Variants in NBEA observed in about 807,000 individuals in gnomAD.
The protein encoded by NBEA is lysosomal-trafficking regulator 2.
NBEA carries 44 observed loss-of-function variants against 343.4 expected under a neutral mutation model. The observed-to-expected ratio is 0.13, with a 90% CI of 0.10 to 0.16. The LOEUF is 0.16. Ranked by LOEUF, NBEA falls within the 10% of genes least tolerant of loss-of-function variation. NBEA has a pLI of 1.00. For missense variants in NBEA, 2,555 were observed against 3,631.3 expected, an observed-to-expected ratio of 0.70 and a Z score of 7.62; for synonymous variants, 1,175 against 1,238.7, an observed-to-expected ratio of 0.95 and a Z score of 1.08.
chr13:35,411,844 A>C (rs1015322612), intron 38 of NBEA, among the ~76,000 whole-genome samples: 7 of 152,004 alleles, frequency 4.6e-5, no homozygotes, highest in Non-Finnish European at 8.8e-5. Context: ...AAGAAGGGGG[A>C]CAATACAAGT....
intron 38 of NBEA, among the ~76,000 whole-genome samples, chr13:35,398,611 G>C (rs1281892833): frequency 6.6e-6 from 1 of 152,004 alleles, no homozygotes; most frequent in East Asian, 1.9e-4. Context: ...CTTGTCAATG[G>C]GCAGTAATAT....
chr13:35,014,266 T>C (rs889173781), intron 1 of NBEA, among the ~76,000 whole-genome samples: 1 of 152,232 alleles, frequency 6.6e-6, no homozygotes, highest in African/African-American at 2.4e-5. Context: ...TCTTCTCTTT[T>C]TCCTTTACCT....
At chr13:35,475,527 C>G (rs764522918) in intron 41 of NBEA, 1 of 1,612,942 alleles carries the variant, frequency 6.2e-7, no homozygotes, top group Non-Finnish European at 8.5e-7. Flanking sequence ...AACCTTCCGC[C>G]TTGACCTCCG....
At chr13:35,017,641 A>G (rs1159944830) in intron 1 of NBEA, among the ~76,000 whole-genome samples, 2 of 152,166 alleles carry the variant, frequency 1.3e-5, no homozygotes, top group Admixed American at 6.5e-5. Context: ...TCATTTGTCA[A>G]TTTAAAAATG....
intron 1 of NBEA, among the ~76,000 whole-genome samples, chr13:35,039,978 T>C (rs1267880777): frequency 6.6e-6 from 1 of 152,222 alleles, no homozygotes; most frequent in Non-Finnish European, 1.5e-5. Context: ...TGCATGGTTT[T>C]TATCTTGGAC....
rs185665768 is a variant in NBEA at position 35,150,769 on chromosome 13, A to G, written c.2446-5005A>G. On this transcript the variant is annotated intron_variant, in intron 18 of 58. Coordinates refer to ENST00000379939, the MANE Select transcript of NBEA (RefSeq NM_001385012.1). ...TAAGTGCAGAAATAATAAAGAACCA[A>G]CTTATGGTGTTGATAATGATATTTT... is the stretch of plus-strand genomic sequence containing the variant. Among the ~76,000 whole-genome samples, 395 of 141,194 alleles carry G rather than the reference A, an allele frequency of 2.8e-3. 1 individual carries two copies. Among genetic ancestry groups the G allele is most frequent in the African/African-American group, 0.01 (378 of 37,324 alleles). 92.6% of individuals were successfully genotyped at this position (141,194 alleles called of 152,430 possible). A position where few individuals can be genotyped will look rare whatever the true frequency, so the allele number is the denominator to read the frequency against.
At chr13:35,175,231 G>A (rs563897422) in intron 27 of NBEA, among the ~76,000 whole-genome samples, 4 of 152,212 alleles carry the variant, frequency 2.6e-5, no homozygotes, top group South Asian at 2.1e-4. Flanking sequence ...CTGTGCCTCC[G>A]TTTTCTAATC....
intron 50 of NBEA, 102 bp from the exon 51 acceptor site, chr13:35,646,157 T>C (rs1295095379): frequency 1.0e-6 from 1 of 953,208 alleles, no homozygotes; most frequent in Non-Finnish European, 1.6e-6. Context: ...TTCTGGACTT[T>C]TTTTCATGGC....
At chr13:35,245,004 G>C (rs1379332313) in intron 34 of NBEA, among the ~76,000 whole-genome samples, 1 of 152,052 alleles carries the variant, frequency 6.6e-6, no homozygotes, top group East Asian at 1.9e-4. Context: ...CTTTTTGGAG[G>C]AGTCTTTAGG....
chr13:35,522,697 C>G (rs778206486), intron 41 of NBEA, among the ~76,000 whole-genome samples: 7 of 151,916 alleles, frequency 4.6e-5, no homozygotes, highest in Non-Finnish European at 7.4e-5. Context: ...AGCTCCACCT[C>G]CTGTCAGATC....
intron 1 of NBEA, among the ~76,000 whole-genome samples, chr13:35,019,997 T>A (rs1168547297): frequency 6.6e-6 from 1 of 152,188 alleles, no homozygotes; most frequent in Admixed American, 6.5e-5. Flanking sequence ...TTTATTGGGT[T>A]TTGTATCTTT....
intron 1 of NBEA, among the ~76,000 whole-genome samples, chr13:34,995,614 C>T (rs1475138985): frequency 2.0e-5 from 3 of 149,366 alleles, no homozygotes; most frequent in Non-Finnish European, 4.5e-5. Context: ...CAGAGTGGGA[C>T]AAAAAAAAAC....
At chr13:35,146,626 G>T (rs1401923094) in intron 18 of NBEA, among the ~76,000 whole-genome samples, 1 of 152,076 alleles carries the variant, frequency 6.6e-6, no homozygotes, top group African/African-American at 2.4e-5. Flanking sequence ...TATTGCGCCT[G>T]TGTCACAGCT....
intron 17 of NBEA, among the ~76,000 whole-genome samples, chr13:35,126,762 A>C (rs1306726443): frequency 9.9e-5 from 15 of 151,896 alleles, no homozygotes; most frequent in Admixed American, 9.8e-4. Context: ...TACTAAAAAT[A>C]CAAAAATTAG....
At chr13:35,415,622 T>C (rs1420353334) in intron 38 of NBEA, among the ~76,000 whole-genome samples, 1 of 152,158 alleles carries the variant, frequency 6.6e-6, no homozygotes, top group Non-Finnish European at 1.5e-5. Flanking sequence ...TACCATGCTG[T>C]TTTGGTTACT....
At chr13:35,626,047 G>A (rs1459000230) in intron 48 of NBEA, among the ~76,000 whole-genome samples, 1 of 152,154 alleles carries the variant, frequency 6.6e-6, no homozygotes, top group African/African-American at 2.4e-5. Flanking sequence ...GTAGCCTGGT[G>A]TTTGTTACCA....
chr13:35,629,129 T>C (rs1413917859), intron 49 of NBEA, among the ~76,000 whole-genome samples: 1 of 152,186 alleles, frequency 6.6e-6, no homozygotes, highest in African/African-American at 2.4e-5. Flanking sequence ...ACTTAAATCA[T>C]TTCTACATTG....
Position 35,307,515 on chromosome 13 carries a change from T to G in NBEA, c.5839-2013T>G, listed in dbSNP as rs367591788. On this transcript the variant is annotated intron_variant, in intron 35 of 58. Coordinates refer to ENST00000379939, the MANE Select transcript of NBEA (RefSeq NM_001385012.1). ...ATTCAAAGATAATTTTCTCTTGATTTTTTTAGACAAGGCATACTTTGGGAT... is the reference window on the plus strand; with the variant it reads ...ATTCAAAGATAATTTTCTCTTGATTGTTTTAGACAAGGCATACTTTGGGAT... Among the ~76,000 whole-genome samples, 93 of 152,210 alleles carry G rather than the reference T, an allele frequency of 6.1e-4. 1 individual carries two copies. The highest frequency in any genetic ancestry group is 3.4e-3 in the Middle Eastern group (1 of 294).
intron 4 of NBEA, among the ~76,000 whole-genome samples, chr13:35,046,665 A>C (rs1452291191): frequency 2.6e-5 from 4 of 152,152 alleles, no homozygotes; most frequent in South Asian, 2.1e-4. Context: ...AAAATATAAC[A>C]ATTATAGCAA....
Sources: allele counts gnomAD v4.1 joint callset (sites outside exome capture counted in the v4.1 genomes callset), GRCh38; gene constraint gnomAD v4.1.1; transcripts MANE v1.5; gene names NCBI Gene and HGNC (gene_info 2026-07-23, HGNC 2026-07-21).